The following LRP1B variants were observed in gnomAD, a reference collection of about 807,000 sequenced individuals.
LRP1B encodes LDL receptor related protein 1B.
LRP1B carries 217 observed loss-of-function variants against 556.6 expected under a neutral mutation model. The ratio of observed to expected loss-of-function variants is 0.39; its 90% CI spans 0.35 to 0.44. The LOEUF is 0.44. Among genes scored for constraint, LRP1B ranks in the 20% least tolerant of loss-of-function variants. The pLI is 1.00. For missense variants in LRP1B, 5,053 were observed against 5,620.8 expected, an observed-to-expected ratio of 0.90 and a Z score of 3.23; for synonymous variants, 2,047 against 1,865.8, an observed-to-expected ratio of 1.10 and a Z score of -2.50.
intron 83 of LRP1B, among the ~76,000 whole-genome samples, chr2:140,305,955 T>A (rs1330714219): frequency 6.6e-6 from 1 of 151,728 alleles, no homozygotes; most frequent in Non-Finnish European, 1.5e-5. Flanking sequence ...TGGATTACAT[T>A]TATTGATTTG....
At chr2:141,649,646 T>C (rs1348502485) in intron 2 of LRP1B, among the ~76,000 whole-genome samples, 1 of 152,228 alleles carries the variant, frequency 6.6e-6, no homozygotes, top group Admixed American at 6.5e-5. Flanking sequence ...AACATGCCTA[T>C]GTAATTCCAA....
intron 35 of LRP1B, among the ~76,000 whole-genome samples, chr2:140,726,937 A>G (rs968464038): frequency 2.0e-5 from 3 of 152,134 alleles, no homozygotes; most frequent in African/African-American, 7.2e-5. Context: ...TCTTTTTCAA[A>G]TATATCAAAT....
intron 3 of LRP1B, among the ~76,000 whole-genome samples, chr2:141,283,313 T>C (rs1273493662): frequency 6.6e-6 from 1 of 152,000 alleles, no homozygotes; most frequent in Non-Finnish European, 1.5e-5. Context: ...GAATAAAGAT[T>C]TATCTAAAAG....
intron 66 of LRP1B, among the ~76,000 whole-genome samples, chr2:140,434,618 A>C (rs939064088): frequency 3.9e-5 from 6 of 152,164 alleles, no homozygotes; most frequent in African/African-American, 1.4e-4. Context: ...ATTATTTTCC[A>C]CATGACCACT....
At chr2:140,469,639 C>G (rs1033979620) in intron 60 of LRP1B, among the ~76,000 whole-genome samples, 1 of 152,090 alleles carries the variant, frequency 6.6e-6, no homozygotes, top group Non-Finnish European at 1.5e-5. Context: ...TTTACCTGTC[C>G]AATACTTGAA....
rs146397806 is a variant in LRP1B at position 140,448,221 on chromosome 2, G to A, written c.10057+2347C>T. On this transcript the variant is annotated intron_variant, in intron 63 of 90. Coordinates refer to ENST00000389484, the MANE Select transcript of LRP1B (RefSeq NM_018557.3). ...GTGAAAAATACAATATCTGCAAAGC[G>A]CAGTAAAGTACAGCACAATAAAATA... 2.4e-3 allele frequency among the ~76,000 whole-genome samples: 365 copies of A among 152,074 alleles called. 1 individual carries two copies. The highest frequency in any genetic ancestry group is 6.8e-3 in the Middle Eastern group (2 of 294).
intron 18 of LRP1B, among the ~76,000 whole-genome samples, chr2:140,957,640 G>T (rs1695912996): frequency 6.6e-6 from 1 of 151,446 alleles, no homozygotes; most frequent in Non-Finnish European, 1.5e-5. Context: ...AATAAAAGGG[G>T]TCCTAAAAAC....
intron 33 of LRP1B, among the ~76,000 whole-genome samples, 164 bp downstream of exon 33, chr2:140,775,934 A>G (rs1422017413): frequency 6.6e-6 from 1 of 152,162 alleles, no homozygotes; most frequent in Non-Finnish European, 1.5e-5. Flanking sequence ...TTATGCATCT[A>G]TATTAAAGAC....
At chr2:142,023,119 A>G (rs7559509) in intron 1 of LRP1B, among the ~76,000 whole-genome samples, 4,913 of 152,212 alleles carry the variant, frequency 0.032, 88 homozygotes, top group Non-Finnish European at 0.04. Flanking sequence ...CTTGTTCTAT[A>G]CCTTTCTATC....
intron 1 of LRP1B, among the ~76,000 whole-genome samples, chr2:141,909,071 T>C (rs955688546): frequency 6.6e-6 from 1 of 152,020 alleles, no homozygotes; most frequent in African/African-American, 2.4e-5. Context: ...ACTTCACTGA[T>C]CCAAAGGGTG....
intron 3 of LRP1B, among the ~76,000 whole-genome samples, chr2:141,306,829 AT>A (rs972511338): frequency 1.5e-4 from 23 of 151,976 alleles, no homozygotes; most frequent in African/African-American, 5.3e-4. Flanking sequence ...CATTTAAGAA[AT>A]TTTTTTATTT....
chr2:140,628,278 C>A (rs1474912145), intron 41 of LRP1B, among the ~76,000 whole-genome samples: 1 of 152,228 alleles, frequency 6.6e-6, no homozygotes, highest in African/African-American at 2.4e-5. Flanking sequence ...CGACTGTAAT[C>A]CCCACACTTT....
At chr2:140,617,532 C>T (rs1436609164) in intron 41 of LRP1B, among the ~76,000 whole-genome samples, 3 of 151,876 alleles carry the variant, frequency 2.0e-5, no homozygotes, top group Non-Finnish European at 4.4e-5. Flanking sequence ...ATATTTCTTT[C>T]TGATCTTTTG....
intron 31 of LRP1B, among the ~76,000 whole-genome samples, chr2:140,837,685 C>T (rs1029141633): frequency 6.6e-6 from 1 of 151,216 alleles, no homozygotes; most frequent in Admixed American, 6.7e-5. Flanking sequence ...AAACTATCAC[C>T]AAGGACAAAA....
intron 1 of LRP1B, among the ~76,000 whole-genome samples, chr2:141,829,074 C>A (rs1030602731): frequency 3.3e-5 from 5 of 151,798 alleles, no homozygotes; most frequent in Non-Finnish European, 7.4e-5. Context: ...TACTATCAAG[C>A]GAGAGTAAGA....
rs201277310 is a variant in LRP1B at position 140,368,876 on chromosome 2, A to AT, written c.11008+1833dup. Among the ~76,000 whole-genome samples, 368 of 152,000 alleles carry AT rather than the reference A, an allele frequency of 2.4e-3. 2 individuals carry two copies. The highest frequency in any genetic ancestry group is 8.0e-3 in the African/African-American group (332 of 41,520). On this transcript the variant is annotated intron_variant, in intron 71 of 90. Coordinates refer to ENST00000389484, the MANE Select transcript of LRP1B (RefSeq NM_018557.3). Reference sequence around the variant, plus strand: ...CTAAAGTGGTAATGCCTTAAGGTACATTCATATGGGATCAAATAATGTAAC... The same window carrying AT: ...CTAAAGTGGTAATGCCTTAAGGTACATTTCATATGGGATCAAATAATGTAAC...
In LRP1B at chr2:142,037,407, A is replaced by G. The variant is rs146745093; in HGVS notation, c.82+93241T>C. Among the ~76,000 whole-genome samples the G allele has an allele frequency of 6.3e-3, 958 of 151,760 alleles. 7 individuals carry two copies. The highest frequency in any genetic ancestry group is 0.022 in the African/African-American group (893 of 41,502). On this transcript the variant is annotated intron_variant, in intron 1 of 90. Transcript: ENST00000389484. ...GCTGCAGACACACAGCAGGTAGAGAATCACTTAAGGGATAATGAAAAGAAG... is the reference window on the plus strand; with the variant it reads ...GCTGCAGACACACAGCAGGTAGAGAGTCACTTAAGGGATAATGAAAAGAAG...
intron 19 of LRP1B, among the ~76,000 whole-genome samples, chr2:140,950,980 A>G (rs1695698110): frequency 6.6e-6 from 1 of 152,204 alleles, no homozygotes; most frequent in African/African-American, 2.4e-5. Flanking sequence ...TTGGATTTTG[A>G]AGCTTAATTT....
At chr2:141,025,668 C>T (rs1698197875) in intron 11 of LRP1B, among the ~76,000 whole-genome samples, 1 of 152,058 alleles carries the variant, frequency 6.6e-6, no homozygotes, top group South Asian at 2.1e-4. Flanking sequence ...CTGATGTACT[C>T]TGCAAATTTT....
Sources: allele counts gnomAD v4.1 joint callset (sites outside exome capture counted in the v4.1 genomes callset), GRCh38; gene constraint gnomAD v4.1.1; transcripts MANE v1.5; gene names NCBI Gene and HGNC (gene_info 2026-07-23, HGNC 2026-07-21).